The following GPC5 variants were observed in gnomAD, a reference collection of about 807,000 sequenced individuals.
GPC5 encodes glypican 5.
GPC5 carries 47 observed loss-of-function variants against 53.9 expected under a neutral mutation model. The observed-to-expected ratio is 0.87, with a 90% CI of 0.69 to 1.11. The LOEUF is 1.11. Among genes scored for constraint, GPC5 ranks in the 50% most tolerant of loss-of-function variants. The pLI is 0.00. For missense variants in GPC5, 748 were observed against 713.1 expected (o/e 1.05, Z -0.56); for synonymous variants, 286 against 263.3 (o/e 1.09, Z -0.84).
chr13:92,596,089 A>G (rs1193269189), intron 7 of GPC5, among the ~76,000 whole-genome samples: 2 of 152,176 alleles, frequency 1.3e-5, no homozygotes, highest in African/African-American at 4.8e-5. Flanking sequence ...ACCGTGAATC[A>G]CATAATTTAA....
intron 2 of GPC5, among the ~76,000 whole-genome samples, chr13:91,599,872 G>C (rs183947207): frequency 6.6e-6 from 1 of 152,314 alleles, no homozygotes; most frequent in East Asian, 1.9e-4. Context: ...TATCTAATTA[G>C]TAGAAATAGT....
chr13:92,765,563 A>T (rs1354741967), intron 7 of GPC5, among the ~76,000 whole-genome samples: 1 of 152,150 alleles, frequency 6.6e-6, no homozygotes, highest in African/African-American at 2.4e-5. Flanking sequence ...AATTCCCTCC[A>T]ATGTAGAGAT....
chr13:92,391,560 C>T (rs1484431043), intron 7 of GPC5, among the ~76,000 whole-genome samples: 2 of 152,234 alleles, frequency 1.3e-5, no homozygotes, highest in East Asian at 3.9e-4. Flanking sequence ...ATGGAATATT[C>T]CAAAGGCTCT....
intron 5 of GPC5, among the ~76,000 whole-genome samples, chr13:91,783,072 G>A (rs1462993513): frequency 6.6e-6 from 1 of 151,868 alleles, no homozygotes; most frequent in African/African-American, 2.4e-5. Flanking sequence ...GGCCAACATG[G>A]TGAAACCCCA....
At chr13:91,684,327 G>A (rs2035574364) in intron 2 of GPC5, among the ~76,000 whole-genome samples, 1 of 152,004 alleles carries the variant, frequency 6.6e-6, no homozygotes, top group Non-Finnish European at 1.5e-5. Flanking sequence ...TTATCTAATT[G>A]TATACTGATA....
At chr13:91,551,524 C>G (rs954363009) in intron 2 of GPC5, among the ~76,000 whole-genome samples, 3 of 152,022 alleles carry the variant, frequency 2.0e-5, no homozygotes, top group African/African-American at 7.2e-5. Flanking sequence ...TAGCGAATTC[C>G]ATGGTATGTC....
At chr13:92,708,234 C>T (rs1244448166) in intron 7 of GPC5, among the ~76,000 whole-genome samples, 2 of 152,008 alleles carry the variant, frequency 1.3e-5, no homozygotes, top group Non-Finnish European at 2.9e-5. Flanking sequence ...ATTTGCAATC[C>T]ATAGCTTTTT....
chr13:91,793,333 G>A (rs1184840575), intron 5 of GPC5, among the ~76,000 whole-genome samples: 1 of 152,030 alleles, frequency 6.6e-6, no homozygotes, highest in South Asian at 2.1e-4. Context: ...TGCCCATTCC[G>A]GGTCCCTCCC....
At chr13:92,701,892 T>C (rs1887756841) in intron 7 of GPC5, among the ~76,000 whole-genome samples, 1 of 152,160 alleles carries the variant, frequency 6.6e-6, no homozygotes, top group Non-Finnish European at 1.5e-5. Context: ...TTCCAGTCTC[T>C]GAACTCAGAA....
chr13:92,126,555 C>T (rs1375665285), intron 6 of GPC5, among the ~76,000 whole-genome samples: 1 of 152,128 alleles, frequency 6.6e-6, no homozygotes, highest in Non-Finnish European at 1.5e-5. Context: ...ATCTAGTCTG[C>T]AGCTTATACG....
At chr13:92,482,766 A>T (rs1879406323) in intron 7 of GPC5, among the ~76,000 whole-genome samples, 1 of 152,196 alleles carries the variant, frequency 6.6e-6, no homozygotes, top group Non-Finnish European at 1.5e-5. Flanking sequence ...AAATGAGCAA[A>T]TAGTTCTCAT....
intron 7 of GPC5, among the ~76,000 whole-genome samples, chr13:92,585,255 C>A (rs547756614): frequency 3.9e-5 from 6 of 152,284 alleles, no homozygotes; most frequent in African/African-American, 1.2e-4. Flanking sequence ...CTATACCCAG[C>A]AAAGCCACAG....
At chr13:92,449,088 A>G (rs1462687422) in intron 7 of GPC5, 1 of 151,762 alleles carries the variant, frequency 6.6e-6, no homozygotes, top group Non-Finnish European at 1.5e-5. Context: ...ATAGAAGCTC[A>G]GCTTTTCTAC....
chr13:92,287,347 C>T (rs774743861), intron 7 of GPC5, among the ~76,000 whole-genome samples: 9 of 152,054 alleles, frequency 5.9e-5, no homozygotes, highest in East Asian at 1.9e-4. Flanking sequence ...TGTTCTGTGG[C>T]GTGTTCTTTA....
intron 6 of GPC5, among the ~76,000 whole-genome samples, chr13:91,938,430 C>T (rs887631290): frequency 1.3e-5 from 2 of 152,080 alleles, no homozygotes; most frequent in Non-Finnish European, 2.9e-5. Flanking sequence ...CCTCATGACC[C>T]AAACACTTCC....
At chr13:92,052,236 C>A (rs1001239073) in intron 6 of GPC5, among the ~76,000 whole-genome samples, 1 of 152,128 alleles carries the variant, frequency 6.6e-6, no homozygotes, top group African/African-American at 2.4e-5. Flanking sequence ...TGGGTTATGT[C>A]CACTAAGGTT....
chr13:91,644,049 C>G (rs2034500018), intron 2 of GPC5, among the ~76,000 whole-genome samples: 1 of 151,400 alleles, frequency 6.6e-6, no homozygotes, highest in Non-Finnish European at 1.5e-5. Context: ...TACACTTCAA[C>G]CCATGACATA....
intron 6 of GPC5, among the ~76,000 whole-genome samples, chr13:92,121,233 A>G (rs1248095801): frequency 1.3e-5 from 2 of 152,078 alleles, no homozygotes; most frequent in Non-Finnish European, 2.9e-5. Flanking sequence ...ACACTTCTCT[A>G]CTAGTTGCTC....
chr13:91,797,519 G>A (rs59669659), intron 5 of GPC5, among the ~76,000 whole-genome samples: 3,829 of 152,098 alleles, frequency 0.025, 157 homozygotes, highest in African/African-American at 0.086. Context: ...TGATCTTTAG[G>A]ATTTTCTTAA....
Sources: allele counts gnomAD v4.1 joint callset (sites outside exome capture counted in the v4.1 genomes callset), GRCh38; gene constraint gnomAD v4.1.1; transcripts MANE v1.5; gene names NCBI Gene and HGNC (gene_info 2026-07-23, HGNC 2026-07-21).